TNRC6B: variants seen among roughly 807,000 people sequenced by gnomAD.
TNRC6B encodes the protein trinucleotide repeat-containing gene 6B protein.
A neutral mutation model predicts 203.6 loss-of-function variants in TNRC6B; 52 were observed. The observed-to-expected ratio is 0.26, with a 90% CI of 0.20 to 0.32. The LOEUF is 0.32. TNRC6B is among the 10% of genes least tolerant of loss of function. The probability of loss-of-function intolerance (pLI) is 1.00; values close to 1 mark genes in which losing one functional copy is unlikely to be tolerated. For synonymous variants in TNRC6B, 838 were observed against 845.7 expected, an observed-to-expected ratio of 0.99 and a Z score of 0.16; for missense variants, 1,923 against 2,286.2, an observed-to-expected ratio of 0.84 and a Z score of 3.24.
At chr22:40,097,233 T>G (rs1481780864) in intron 1 of TNRC6B, among the ~76,000 whole-genome samples, 1 of 152,204 alleles carries the variant, frequency 6.6e-6, no homozygotes, top group Non-Finnish European at 1.5e-5. Flanking sequence ...TGTAAAAACT[T>G]GATGTTTATG....
intron 1 of TNRC6B, among the ~76,000 whole-genome samples, chr22:40,099,169 G>C (rs961107628): frequency 6.6e-6 from 1 of 151,432 alleles, no homozygotes; most frequent in African/African-American, 2.4e-5. Flanking sequence ...AGAATTGCTT[G>C]AACCTGGGAG....
intron 3 of TNRC6B, among the ~76,000 whole-genome samples, chr22:40,153,556 AAAAAC>A (rs1342315766): frequency 1.3e-5 from 2 of 151,766 alleles, no homozygotes; most frequent in African/African-American, 2.4e-5. Context: ...CTAGAAAAAA[AAAAAC>A]AAAAAGAATA....
intron 1 of TNRC6B, among the ~76,000 whole-genome samples, chr22:40,116,474 T>A (rs2146317095): frequency 6.6e-6 from 1 of 152,340 alleles, no homozygotes; most frequent in East Asian, 1.9e-4. Context: ...CTGCATTTAC[T>A]AGCAACTTGC....
At chr22:40,311,522 G>C (rs2071181159) in intron 17 of TNRC6B, among the ~76,000 whole-genome samples, 1 of 151,806 alleles carries the variant, frequency 6.6e-6, no homozygotes, top group Non-Finnish European at 1.5e-5. Context: ...AATATGTATA[G>C]TTTCGTTTTA....
Position 40,121,830 on chromosome 22 carries a change from C to T in TNRC6B, c.-46-3942C>T, listed in dbSNP as rs2068449427. Among the ~76,000 whole-genome samples, 3 of 152,250 alleles carry T rather than the reference C, an allele frequency of 2.0e-5. No individual in the cohort carries two copies. In the South Asian group the frequency reaches 6.2e-4, roughly 31 times the overall value. ...AGCCACTTACGTGAAGACAAAGTTG[C>T]CATAACTACAGTCGCTGCTAAGGTC... On this transcript the variant is annotated intron_variant, in intron 2 of 23. Coordinates refer to the TNRC6B transcript ENST00000301923.
Position 40,322,849 on chromosome 22 carries a change from T to A in TNRC6B, c.5115-5T>A, listed in dbSNP as rs1269690596. On this transcript the variant is annotated splice_region_variant and splice_polypyrimidine_tract_variant and intron_variant, in intron 22 of 22. Transcript: ENST00000454349. ...CCATAGCTCTCTTTCCCTCCCTTCT[T>A]CCAGGTGTGTGTTGGGAAACACTAC... is the stretch of plus-strand genomic sequence containing the variant. 1 of 1,613,640 alleles carries A rather than the reference T, an allele frequency of 6.2e-7. No individual in the cohort carries two copies. Among genetic ancestry groups the A allele is most frequent in the Non-Finnish European group, 8.5e-7 (1 of 1,179,880 alleles).
At chr22:40,168,038 A>G (rs1452926470) in intron 4 of TNRC6B, among the ~76,000 whole-genome samples, 1 of 152,166 alleles carries the variant, frequency 6.6e-6, no homozygotes, top group East Asian at 1.9e-4. Flanking sequence ...TATCTGTTGA[A>G]ACCCAACTGA....
At position 40,117,526 on chromosome 22, in the gene TNRC6B, G is replaced by A. The variant is rs915766058; in HGVS notation, c.-47+398G>A. On this transcript the variant is annotated intron_variant, in intron 2 of 23. Coordinates refer to the TNRC6B transcript ENST00000301923. ...GCTTAAACAGCCCTCATGGCATCCA[G>A]TTGCTGCAGATGTTGTCCCACAGAT... Among the ~76,000 whole-genome samples, 22 of 152,308 alleles carry A rather than the reference G, an allele frequency of 1.4e-4. No homozygotes were observed. In the Middle Eastern group the frequency reaches 0.01, roughly 71 times the overall value.
intron 1 of TNRC6B, among the ~76,000 whole-genome samples, chr22:40,080,675 C>T (rs1300736071): frequency 2.0e-5 from 3 of 152,136 alleles, no homozygotes; most frequent in Non-Finnish European, 2.9e-5. Flanking sequence ...GTGCAAGTCA[C>T]TCCCTTGCCT....
chr22:40,125,454 T>C (rs1014532879), intron 2 of TNRC6B, among the ~76,000 whole-genome samples: 1 of 152,194 alleles, frequency 6.6e-6, no homozygotes, highest in Non-Finnish European at 1.5e-5. Flanking sequence ...CAGTGTCTGC[T>C]GTAAGAATTT....
intron 1 of TNRC6B, among the ~76,000 whole-genome samples, chr22:40,240,014 G>C (rs1171541363): frequency 6.6e-6 from 1 of 151,922 alleles, no homozygotes; most frequent in Non-Finnish European, 1.5e-5. Flanking sequence ...TGTATTTTTA[G>C]TAGAGATGGG....
intron 1 of TNRC6B, among the ~76,000 whole-genome samples, chr22:40,084,592 G>A (rs1236683195): frequency 6.6e-6 from 1 of 152,156 alleles, no homozygotes; most frequent in Non-Finnish European, 1.5e-5. Context: ...AGACTTGGTG[G>A]CCTCTCTGAG....
chr22:40,288,157 A>G (rs2052936889), intron 12 of TNRC6B, among the ~76,000 whole-genome samples: 1 of 152,280 alleles, frequency 6.6e-6, no homozygotes, highest in Non-Finnish European at 1.5e-5. Context: ...ATGGGACCAA[A>G]TTTGGAAAAG....
chr22:40,273,618 GT>G lies in TNRC6B; in HGVS notation c.3141+20del. ...AAATGAAGGTAGCCTGCTTAGAAAT[GT>G]TCGCACTTGCTCATTCGCTCTGAGA... On this transcript the variant is annotated intron_variant, in intron 7 of 22. Transcript: ENST00000454349. The G allele has an allele frequency of 6.5e-7, 1 of 1,549,976 alleles. No homozygotes were observed.
intron 1 of TNRC6B, among the ~76,000 whole-genome samples, chr22:40,088,584 TTGTGTGTGTGTG>T (rs58537972): frequency 1.5e-4 from 19 of 125,230 alleles, no homozygotes; most frequent in South Asian, 2.9e-4. Context: ...GCGGCTACTT[TTGTGTGTGTGTG>T]TGTGTGTGTG....
chr22:40,315,588 G>C, intron 20 of TNRC6B, 81 bp downstream of exon 20: 1 of 1,438,350 alleles, frequency 7.0e-7, no homozygotes, highest in Non-Finnish European at 9.5e-7. Context: ...GACACAAAGA[G>C]GTCTTCCCAA....
intron 6 of TNRC6B, among the ~76,000 whole-genome samples, chr22:40,271,933 T>C (rs1426739482): frequency 1.3e-5 from 2 of 152,200 alleles, no homozygotes; most frequent in African/African-American, 4.8e-5. Context: ...AATCCTATGA[T>C]TAAAAATTAG....
chr22:40,141,918 G>C (rs1325809931), intron 3 of TNRC6B, among the ~76,000 whole-genome samples: 4 of 151,892 alleles, frequency 2.6e-5, no homozygotes, highest in African/African-American at 4.8e-5. Context: ...GAGACTGCAG[G>C]CACCCACCAC....
At chr22:40,293,564 T>A (rs2070897463) in intron 12 of TNRC6B, among the ~76,000 whole-genome samples, 1 of 151,672 alleles carries the variant, frequency 6.6e-6, no homozygotes, top group East Asian at 1.9e-4. Flanking sequence ...GGGCAGGTTT[T>A]ACTTTGGTGG....
Sources: allele counts gnomAD v4.1 joint callset (sites outside exome capture counted in the v4.1 genomes callset), GRCh38; gene constraint gnomAD v4.1.1; transcripts MANE v1.5; gene names NCBI Gene and HGNC (gene_info 2026-07-23, HGNC 2026-07-21).